Variants in LCORL observed in about 807,000 individuals in gnomAD.
LCORL encodes ligand dependent nuclear receptor corepressor like.
In LCORL, 41 loss-of-function variants were observed where a neutral mutation model predicts 141.8. That is an observed-to-expected ratio of 0.29 (90% confidence interval 0.23 to 0.38). The LOEUF (loss-of-function observed/expected upper bound fraction) is 0.38, where lower values mean the gene tolerates loss of function less well. Among genes scored for constraint, LCORL ranks in the 10% least tolerant of loss-of-function variants. The pLI is 1.00. For missense variants in LCORL, 1,759 were observed against 2,035.0 expected (o/e 0.86, Z 2.61); for synonymous variants, 618 against 694.1 (o/e 0.89, Z 1.72).
At chr4:17,896,412 T>C (rs887615842) in intron 5 of LCORL, among the ~76,000 whole-genome samples, 4 of 152,106 alleles carry the variant, frequency 2.6e-5, no homozygotes, top group African/African-American at 9.7e-5. Flanking sequence ...GCCTCCCAAA[T>C]AGCTCGGATT....
At chr4:17,995,641 T>A (rs1339605177) in intron 1 of LCORL, among the ~76,000 whole-genome samples, 2 of 152,194 alleles carry the variant, frequency 1.3e-5, no homozygotes, top group African/African-American at 2.4e-5. Flanking sequence ...ATGTACAAGA[T>A]ATATGGTTCC....
At chr4:18,003,817 CATTT>C (rs1722364457) in intron 1 of LCORL, among the ~76,000 whole-genome samples, 1 of 152,182 alleles carries the variant, frequency 6.6e-6, no homozygotes, top group Non-Finnish European at 1.5e-5. Context: ...TTCCAAATAA[CATTT>C]GTTATTAAAT....
At chr4:17,961,649 T>C (rs1182711446) in intron 4 of LCORL, among the ~76,000 whole-genome samples, 3 of 151,956 alleles carry the variant, frequency 2.0e-5, no homozygotes, top group Non-Finnish European at 2.9e-5. Flanking sequence ...GTTCCTATAA[T>C]AGATGAGGAA....
At chr4:17,998,544 T>C (rs1721274993) in intron 1 of LCORL, among the ~76,000 whole-genome samples, 1 of 152,156 alleles carries the variant, frequency 6.6e-6, no homozygotes, top group African/African-American at 2.4e-5. Context: ...ATCTTCCACC[T>C]TAACATCTTG....
intron 1 of LCORL, among the ~76,000 whole-genome samples, chr4:17,987,166 T>C (rs1197845632): frequency 1.3e-5 from 2 of 152,214 alleles, no homozygotes; most frequent in African/African-American, 4.8e-5. Flanking sequence ...GCCACTTTTA[T>C]TACTCATGAA....
chr4:17,906,568 A>C (rs758752020), intron 5 of LCORL, among the ~76,000 whole-genome samples: 1 of 152,208 alleles, frequency 6.6e-6, no homozygotes, highest in Non-Finnish European at 1.5e-5. Context: ...CACTTTGTTT[A>C]GACTATTACA....
chr4:17,907,057 C>T (rs1293359259), intron 5 of LCORL, among the ~76,000 whole-genome samples: 6 of 152,166 alleles, frequency 3.9e-5, no homozygotes, highest in Non-Finnish European at 5.9e-5. Context: ...GGAATCATTC[C>T]TTCCTTCCTT....
At chr4:17,865,273 A>T (rs1433770981) in intron 7 of LCORL, among the ~76,000 whole-genome samples, 3 of 152,236 alleles carry the variant, frequency 2.0e-5, no homozygotes, top group South Asian at 4.1e-4. Flanking sequence ...CAAAAAATTC[A>T]AAAAGACTGA....
chr4:18,005,005 C>A (rs918674368), intron 1 of LCORL, among the ~76,000 whole-genome samples: 2 of 152,032 alleles, frequency 1.3e-5, no homozygotes, highest in Non-Finnish European at 2.9e-5. Context: ...GCAACCTCCA[C>A]CTCCTGGGTT....
rs1425116946 is a variant in LCORL, at chr4:17,850,609, A to G, written c.5603-4708T>C. 6.6e-5 allele frequency among the ~76,000 whole-genome samples: 10 copies of G among 152,294 alleles called. No individual in the cohort carries two copies. The South Asian group carries it at 1.9e-3, about 28-fold the overall frequency. ...TCTCACACCAGTTAGAATGGCGATCATTAAAAAGTCAGGAAACAACAGGTG... is the reference window on the plus strand; with the variant it reads ...TCTCACACCAGTTAGAATGGCGATCGTTAAAAAGTCAGGAAACAACAGGTG... On this transcript the variant is annotated intron_variant, in intron 7 of 7. Coordinates refer to ENST00000635767, the Ensembl canonical transcript of LCORL.
intron 7 of LCORL, among the ~76,000 whole-genome samples, chr4:17,856,840 T>A (rs1724415735): frequency 6.6e-6 from 1 of 152,206 alleles, no homozygotes; most frequent in East Asian, 1.9e-4. Context: ...AGAAAGGATT[T>A]CCCAGACAAC....
chr4:17,848,540 A>C (rs1381392223), intron 7 of LCORL, among the ~76,000 whole-genome samples: 1 of 152,178 alleles, frequency 6.6e-6, no homozygotes, highest in African/African-American at 2.4e-5. Context: ...TTGAAGAGAC[A>C]GGGCTGGAGC....
intron 4 of LCORL, among the ~76,000 whole-genome samples, chr4:17,960,534 A>G (rs1019522451): frequency 1.2e-4 from 19 of 152,186 alleles, no homozygotes; most frequent in Admixed American, 1.1e-3. Context: ...TCTCTTAGTG[A>G]TACAAGTCTG....
intron 4 of LCORL, among the ~76,000 whole-genome samples, chr4:17,946,452 GAAGC>G (rs1456233534): frequency 2.6e-5 from 4 of 151,950 alleles, no homozygotes; most frequent in East Asian, 1.9e-4. Flanking sequence ...AGTAAATTGA[GAAGC>G]AAGTATGTAT....
chr4:17,966,649 A>G (rs938928469), intron 2 of LCORL, among the ~76,000 whole-genome samples: 2 of 152,156 alleles, frequency 1.3e-5, no homozygotes, highest in Admixed American at 6.6e-5. Context: ...GAATAGATAC[A>G]TCACCCAAGA....
At chr4:17,967,523 T>C (rs1715148455) in intron 2 of LCORL, among the ~76,000 whole-genome samples, 1 of 152,198 alleles carries the variant, frequency 6.6e-6, no homozygotes, top group Non-Finnish European at 1.5e-5. Context: ...ACTCAATTTT[T>C]TCTGTAAATT....
At chr4:18,015,055 G>T (rs1478599772) in intron 1 of LCORL, among the ~76,000 whole-genome samples, 1 of 152,128 alleles carries the variant, frequency 6.6e-6, no homozygotes, top group East Asian at 1.9e-4. Flanking sequence ...TATTACAATT[G>T]AAAGATGAGA....
chr4:17,939,879 T>TACACAC (rs143670453), intron 4 of LCORL, among the ~76,000 whole-genome samples: 2 of 147,868 alleles, frequency 1.4e-5, no homozygotes, highest in Middle Eastern at 3.6e-3. Flanking sequence ...TAGGTACATG[T>TACACAC]ACACACACAC....
chr4:18,001,200 T>C (rs1280456205), intron 1 of LCORL, among the ~76,000 whole-genome samples: 1 of 152,072 alleles, frequency 6.6e-6, no homozygotes, highest in Non-Finnish European at 1.5e-5. Flanking sequence ...CCAAAAAGGA[T>C]TCAGTGTATG....
Sources: gnomAD v4.1 joint callset for allele counts (sites outside exome capture counted in the v4.1 genomes callset) on GRCh38, gnomAD v4.1.1 for gene constraint, MANE v1.5 for transcripts, NCBI Gene and HGNC (gene_info 2026-07-23, HGNC 2026-07-21) for gene names.